AVEN: variants seen among roughly 807,000 people sequenced by gnomAD.
AVEN encodes the protein cell death regulator Aven.
Under a neutral mutation model 38.1 loss-of-function variants are expected in AVEN, and 41 were observed. The observed-to-expected ratio is 1.08, with a 90% confidence interval of 0.84 to 1.40. The LOEUF is 1.40. Ranked by LOEUF, AVEN falls within the 40% of genes most tolerant of loss-of-function variation. The pLI is 0.00. For missense variants in AVEN, 605 were observed against 438.8 expected (o/e 1.38, Z -3.38); for synonymous variants, 206 against 171.8 (o/e 1.20, Z -1.56).
chr15:34,033,461 G>A (rs1169559630), intron 1 of AVEN, among the ~76,000 whole-genome samples: 6 of 151,188 alleles, frequency 4.0e-5, no homozygotes, highest in Admixed American at 2.0e-4. Context: ...AGCCGAGATC[G>A]TGCCACTGCA....
chr15:34,003,096 C>T lies in AVEN; in HGVS notation c.381G>A (p.Glu127=), dbSNP rs202188583. ...NWDRYQDIEK[E]VNNESGESQR... is the part of the protein sequence containing the mutation. ...GTGACTCTCCACTTTCATTATTGACCTCTTTTTCAATATCTTGATATCGAT... is the reference window on the plus strand; with the variant it reads ...GTGACTCTCCACTTTCATTATTGACTTCTTTTTCAATATCTTGATATCGAT... The change falls in exon 2 of 6, where the codon GAG becomes GAA. Residue 127 remains glutamate, a synonymous_variant. Coordinates refer to ENST00000306730, the MANE Select transcript of AVEN (RefSeq NM_020371.3). The T allele has an allele frequency of 2.5e-6, 4 of 1,613,874 alleles. No individual in the cohort carries two copies. The Admixed American group carries it at 5.0e-5, about 20-fold the overall frequency.
chr15:33,949,838 C>T (rs1027970307), intron 2 of AVEN, among the ~76,000 whole-genome samples: 4 of 152,052 alleles, frequency 2.6e-5, no homozygotes, highest in African/African-American at 9.7e-5. Context: ...TGGGAACTAC[C>T]ATATGATCCA....
At chr15:33,965,940 GAAC>G (rs749832674) in intron 2 of AVEN, among the ~76,000 whole-genome samples, 44 of 148,894 alleles carry the variant, frequency 3.0e-4, no homozygotes, top group Non-Finnish European at 6.0e-4. Context: ...TAAAAAAAAA[GAAC>G]AACATCAGGA....
Position 33,859,193 on chromosome 15 carries a change from G to C in AVEN, n.2730-99C>G, listed in dbSNP as rs1019623341. On this transcript the variant is annotated intron_variant and non_coding_transcript_variant, in intron 11 of 11. Coordinates refer to the AVEN transcript ENST00000675287. ...GTAAGGGGAATGTGGATGAAGAAGA[G>C]GGGGGACCTTTTTGCAGTTTATAGC... The C allele has an allele frequency of 3.4e-5, 6 of 175,576 alleles. No homozygotes were observed. In the South Asian group the frequency reaches 6.8e-4, roughly 20 times the overall value. 10.9% of individuals were successfully genotyped at this position (175,576 alleles called of 1,614,324 possible).
intron 2 of AVEN, among the ~76,000 whole-genome samples, chr15:33,881,963 A>G (rs901893857): frequency 2.6e-5 from 4 of 152,244 alleles, no homozygotes; most frequent in Admixed American, 1.3e-4. Context: ...CTTAGGAGTC[A>G]TAAGATTCAA....
At chr15:33,910,766 G>C (rs1276199104) in intron 2 of AVEN, among the ~76,000 whole-genome samples, 1 of 152,152 alleles carries the variant, frequency 6.6e-6, no homozygotes, top group Non-Finnish European at 1.5e-5. Context: ...GACCTGAAAA[G>C]AAATGGGAGT....
In AVEN at chr15:33,933,994, C is replaced by G. The variant is rs76679751; in HGVS notation, c.446-57999G>C. Among the ~76,000 whole-genome samples, 1,281 of 152,288 alleles carry G rather than the reference C, an allele frequency of 8.4e-3. 11 individuals carry two copies. The highest frequency in any genetic ancestry group is 0.013 in the Non-Finnish European group (911 of 68,022). ...ACATACAAAAACGACTGGTTTGAAA[C>G]AGGAATTTTCTTTGCTCAAGAAATC... is the stretch of plus-strand genomic sequence containing the variant. On this transcript the variant is annotated intron_variant, in intron 2 of 5. Transcript: ENST00000306730.
chr15:33,946,316 G>T (rs1198295810), intron 2 of AVEN, among the ~76,000 whole-genome samples: 4 of 152,132 alleles, frequency 2.6e-5, no homozygotes, highest in Non-Finnish European at 5.9e-5. Context: ...AGGAGGCAGA[G>T]GTAGGGCTGA....
At chr15:34,059,246 A>G (rs1382227023) in intron 5 of AVEN, among the ~76,000 whole-genome samples, 2 of 152,222 alleles carry the variant, frequency 1.3e-5, no homozygotes, top group Non-Finnish European at 2.9e-5. Flanking sequence ...TACCCAGGCT[A>G]TACATGTGTC....
At chr15:33,855,083 T>G (rs2079509183), downstream of AVEN, 3 of 530,234 alleles carry the variant, frequency 5.7e-6, no homozygotes, top group Non-Finnish European at 8.9e-6. Flanking sequence ...TTGTAGCCAA[T>G]TAAAAATGTA....
intron 11 of AVEN, among the ~76,000 whole-genome samples, chr15:33,860,439 A>G (rs1261125566): frequency 1.3e-5 from 2 of 152,214 alleles, no homozygotes; most frequent in African/African-American, 4.8e-5. Context: ...ATTGTTAGCC[A>G]GGATGTAACA....
chr15:34,029,604 T>G (rs1898674162), intron 1 of AVEN, among the ~76,000 whole-genome samples: 1 of 151,144 alleles, frequency 6.6e-6, no homozygotes, highest in Non-Finnish European at 1.5e-5. Flanking sequence ...CTACTGACTT[T>G]AAAAAGAAAA....
exon 5 of AVEN, chr15:34,062,948 C>T: frequency 6.2e-7 from 1 of 1,614,124 alleles, no homozygotes; most frequent in Non-Finnish European, 8.5e-7. Flanking sequence ...GTGCAGATCT[C>T]ATCATTGGAA....
chr15:33,904,682 TAA>T (rs77784482), intron 2 of AVEN, among the ~76,000 whole-genome samples: 14,313 of 132,642 alleles, frequency 0.11, 879 homozygotes, highest in Admixed American at 0.18. Context: ...ACTGTTTCTT[TAA>T]AAAAAAAAAA....
intron 2 of AVEN, among the ~76,000 whole-genome samples, chr15:33,924,287 T>G (rs1341435063): frequency 6.6e-6 from 1 of 151,620 alleles, no homozygotes; most frequent in East Asian, 1.9e-4. Context: ...CAAGAATCAT[T>G]TGAACCCCGG....
At chr15:33,865,166 T>C (rs757544723), downstream of AVEN, 10 of 1,613,718 alleles carry the variant, frequency 6.2e-6, no homozygotes, top group African/African-American at 6.7e-5. Context: ...AAGAAAGGTG[T>C]TGGGATTTCT....
chr15:33,857,794 C>T (rs774668559), downstream of AVEN: 81 of 1,613,934 alleles, frequency 5.0e-5, no homozygotes, highest in Non-Finnish European at 6.6e-5. Context: ...TTCTGACTGT[C>T]GGTCTCCTGG....
intron 5 of AVEN, chr15:34,062,723 A>G: frequency 6.2e-7 from 1 of 1,607,544 alleles, no homozygotes; most frequent in Non-Finnish European, 8.5e-7. Flanking sequence ...CCAGGATGGA[A>G]GGGGATTCTT....
At chr15:33,894,986 T>C (rs959385398) in intron 2 of AVEN, among the ~76,000 whole-genome samples, 8 of 151,860 alleles carry the variant, frequency 5.3e-5, no homozygotes, top group Non-Finnish European at 1.2e-4. Context: ...AACTTTGCAC[T>C]ACCTTTTGGA....
Sources: allele counts gnomAD v4.1 joint callset (sites outside exome capture counted in the v4.1 genomes callset), GRCh38; gene constraint gnomAD v4.1.1; transcripts MANE v1.5; gene names NCBI Gene and HGNC (gene_info 2026-07-23, HGNC 2026-07-21).